CRLS1: variants seen among roughly 807,000 people sequenced by gnomAD.
CRLS1 encodes the protein cardiolipin synthase 1, also known as cardiolipin synthase (CMP-forming).
Under a neutral mutation model 37.0 loss-of-function variants are expected in CRLS1, and 24 were observed. The ratio of observed to expected loss-of-function variants is 0.65; its 90% CI spans 0.47 to 0.91. CRLS1 has a LOEUF of 0.91. Among genes scored for constraint, CRLS1 ranks in the 40% least tolerant of loss-of-function variants. The pLI is 0.00. For missense variants in CRLS1, 373 were observed against 395.8 expected, an observed-to-expected ratio of 0.94 and a Z score of 0.49; for synonymous variants, 135 against 159.7, an observed-to-expected ratio of 0.85 and a Z score of 1.17.
rs1980036434 is a variant in CRLS1 at position 6,030,132 on chromosome 20, T to TC, written c.575-1147dup. On this transcript the variant is annotated intron_variant, in intron 3 of 6. Coordinates refer to ENST00000378863, the MANE Select transcript of CRLS1 (RefSeq NM_019095.6). ...GTGTTTGAACTCAGGCTTTTTTTTT[T>TC]CCCCCCTTTTTAAAAATAATAATTT... 3.9e-5 allele frequency among the ~76,000 whole-genome samples: 6 copies of TC among 152,046 alleles called. No homozygotes were observed. The South Asian group carries it at 1.2e-3, about 32-fold the overall frequency.
intron 3 of CRLS1, among the ~76,000 whole-genome samples, chr20:6,018,258 G>A (rs1236045639): frequency 1.4e-5 from 2 of 147,610 alleles, no homozygotes; most frequent in African/African-American, 5.0e-5. Flanking sequence ...ATAACTCCAT[G>A]TTGATATGAA....
chr20:6,011,316 T>C (rs977980808), intron 2 of CRLS1, among the ~76,000 whole-genome samples: 2 of 152,074 alleles, frequency 1.3e-5, no homozygotes, highest in African/African-American at 4.8e-5. Flanking sequence ...ACATCAGCTG[T>C]TCTCTTCGAG....
chr20:6,032,160 C>T, intron 5 of CRLS1, 80 bp downstream of exon 5: 1 of 1,130,396 alleles, frequency 8.8e-7, no homozygotes, highest in Admixed American at 1.9e-5. Context: ...TCAAGAACAG[C>T]TGAAAATGAG....
chr20:6,006,470 C>T lies in CRLS1; in HGVS notation c.224C>T (p.Ala75Val). ...QRNHCSGAGK[A>V]APRPAAGAGA... Reference sequence around the variant, plus strand: ...AACCACTGTTCGGGCGCGGGGAAGGCGGCTCCCAGGCCAGCGGCCGGAGCG... The same window carrying T: ...AACCACTGTTCGGGCGCGGGGAAGGTGGCTCCCAGGCCAGCGGCCGGAGCG... Residue 75 changes from alanine to valine, a missense_variant, in exon 1 of 7, where the codon GCG becomes GTG. By Grantham distance (64) the Ala-to-Val change is moderately conservative. Transcript: ENST00000378863. 6 of 1,399,468 alleles carry T rather than the reference C, an allele frequency of 4.3e-6. No homozygotes were observed. The highest frequency in any genetic ancestry group is 1.5e-5 in the South Asian group (1 of 64,598). The allele number at this position is 1,399,468 out of a possible 1,614,324, so 86.7% of individuals were successfully genotyped here.
intron 2 of CRLS1, among the ~76,000 whole-genome samples, chr20:6,012,029 C>T (rs1006458090): frequency 3.5e-5 from 4 of 113,016 alleles, no homozygotes; most frequent in Non-Finnish European, 6.0e-5. Flanking sequence ...TTGTCTGCTA[C>T]GTTTTTTTTT....
At chr20:6,021,536 G>A (rs921379369) in intron 3 of CRLS1, among the ~76,000 whole-genome samples, 1 of 152,054 alleles carries the variant, frequency 6.6e-6, no homozygotes, top group African/African-American at 2.4e-5. Flanking sequence ...CTTGCTTTTG[G>A]TAGTGTTTGC....
At chr20:6,025,005 C>A (rs1256599709) in intron 3 of CRLS1, among the ~76,000 whole-genome samples, 1 of 152,176 alleles carries the variant, frequency 6.6e-6, no homozygotes, top group Non-Finnish European at 1.5e-5. Flanking sequence ...ATCTCCATAA[C>A]ATGGAAGTGC....
intron 5 of CRLS1, among the ~76,000 whole-genome samples, chr20:6,034,147 G>T (rs1169675492): frequency 6.6e-6 from 1 of 152,198 alleles, no homozygotes; most frequent in African/African-American, 2.4e-5. Flanking sequence ...TTAATGGGCA[G>T]TTGGAAAAAA....
intron 3 of CRLS1, chr20:6,028,369 G>A (rs932735646): frequency 6.6e-6 from 1 of 151,888 alleles, no homozygotes. Flanking sequence ...ACTGAACTTA[G>A]ATCTGTGTGT....
chr20:6,019,941 CAA>C (rs1979124496), intron 3 of CRLS1, among the ~76,000 whole-genome samples: 1 of 151,962 alleles, frequency 6.6e-6, no homozygotes, highest in South Asian at 2.1e-4. Flanking sequence ...CTCTACCTCT[CAA>C]AGTGCTGGGA....
At chr20:6,027,684 G>C (rs1191006829) in intron 3 of CRLS1, among the ~76,000 whole-genome samples, 1 of 152,120 alleles carries the variant, frequency 6.6e-6, no homozygotes, top group Non-Finnish European at 1.5e-5. Flanking sequence ...CAAAGTGCTG[G>C]GATTACAGGT....
chr20:6,016,454 G>GT (rs1555793595), intron 3 of CRLS1, among the ~76,000 whole-genome samples: 3,031 of 114,600 alleles, frequency 0.026, 97 homozygotes, highest in African/African-American at 0.083. Flanking sequence ...GGGGAATGGG[G>GT]GTGTGTGTGT....
intron 6 of CRLS1, among the ~76,000 whole-genome samples, chr20:6,035,976 T>C (rs779963874): frequency 5.9e-5 from 9 of 152,074 alleles, no homozygotes; most frequent in Non-Finnish European, 1.2e-4. Flanking sequence ...GGCCAATTTT[T>C]GTATTTTTAG....
intron 2 of CRLS1, among the ~76,000 whole-genome samples, chr20:6,013,106 A>G (rs1555793256): frequency 6.6e-6 from 1 of 152,112 alleles, no homozygotes; most frequent in Non-Finnish European, 1.5e-5. Context: ...AGGGTCTTTT[A>G]AAAAGATATA....
chr20:6,031,944 C>A, intron 4 of CRLS1, 68 bp from the exon 5 acceptor site: 2 of 1,172,358 alleles, frequency 1.7e-6, no homozygotes, highest in South Asian at 1.3e-5. Flanking sequence ...AACAAAATGT[C>A]TATTTTAAAT....
chr20:6,034,898 G>A (rs1980435753), intron 6 of CRLS1, among the ~76,000 whole-genome samples: 1 of 152,214 alleles, frequency 6.6e-6, no homozygotes, highest in African/African-American at 2.4e-5. Context: ...AGACCACTAG[G>A]TGAAAGACAG....
intron 5 of CRLS1, among the ~76,000 whole-genome samples, 160 bp from the exon 6 acceptor site, chr20:6,034,304 C>T (rs1980392577): frequency 6.6e-6 from 1 of 152,182 alleles, no homozygotes; most frequent in South Asian, 2.1e-4. Context: ...GTGTGCTCAC[C>T]TGTGAATGCA....
At chr20:6,021,063 ATC>A (rs1387278088) in intron 3 of CRLS1, among the ~76,000 whole-genome samples, 27 of 113,038 alleles carry the variant, frequency 2.4e-4, no homozygotes, top group Non-Finnish European at 9.1e-5. Context: ...TTTGTTTTGT[ATC>A]TTTTTTTTTT....
At chr20:6,015,846 C>A (rs565145888) in intron 3 of CRLS1, 2 of 272,606 alleles carry the variant, frequency 7.3e-6, no homozygotes, top group East Asian at 9.9e-5. Flanking sequence ...CGTTTATTAT[C>A]TTTATTAATA....
Sources: allele counts gnomAD v4.1 joint callset (sites outside exome capture counted in the v4.1 genomes callset), GRCh38; gene constraint gnomAD v4.1.1; transcripts MANE v1.5; gene names NCBI Gene and HGNC (gene_info 2026-07-23, HGNC 2026-07-21).